Variants in CBX3 observed in about 807,000 individuals in gnomAD.
The protein encoded by CBX3 is chromobox protein homolog 3.
Under a neutral mutation model 22.6 loss-of-function variants are expected in CBX3, and 5 were observed. The ratio of observed to expected loss-of-function variants is 0.22; its 90% CI spans 0.12 to 0.47. The LOEUF (loss-of-function observed/expected upper bound fraction) is 0.47. Among genes scored for constraint, CBX3 ranks in the 20% least tolerant of loss-of-function variants. CBX3 has a pLI of 0.99. For synonymous variants in CBX3, 50 were observed against 66.6 expected (o/e 0.75, Z 1.21); for missense variants, 83 against 208.1 (o/e 0.40, Z 3.70).
chr7:26,203,611 T>C (rs1172655513), intron 2 of CBX3, among the ~76,000 whole-genome samples: 2 of 152,226 alleles, frequency 1.3e-5, no homozygotes, highest in South Asian at 2.1e-4. Flanking sequence ...GGCTAGATTT[T>C]TTTTTTATCT....
intron 4 of CBX3, among the ~76,000 whole-genome samples, chr7:26,208,990 G>GTGTAGTGGTGC (rs1453290949): frequency 1.5e-5 from 2 of 130,850 alleles, no homozygotes; most frequent in African/African-American, 5.8e-5. Context: ...CCAGGCTGGA[G>GTGTAGTGGTGC]TGTAGTGGTG....
intron 4 of CBX3, 43 bp downstream of exon 4, chr7:26,208,598 G>C (rs1784734745): frequency 6.6e-7 from 1 of 1,523,784 alleles, no homozygotes; most frequent in South Asian, 1.2e-5. Flanking sequence ...TTTTGTAAAA[G>C]GTTGATGGCT....
intron 2 of CBX3, 85 bp downstream of exon 2, chr7:26,203,107 G>A (rs909762298): frequency 1.1e-6 from 1 of 937,446 alleles, no homozygotes; most frequent in Non-Finnish European, 1.7e-6. Flanking sequence ...CTGTGGCTGA[G>A]AAATTTACAT....
At chr7:26,207,372 A>G (rs749494516) in intron 3 of CBX3, among the ~76,000 whole-genome samples, 1 of 152,170 alleles carries the variant, frequency 6.6e-6, no homozygotes, top group East Asian at 1.9e-4. Context: ...TCCCTTCTTT[A>G]TTAAGCCCAT....
At chr7:26,211,946 A>G (rs1383156604) in intron 5 of CBX3, 136 bp from the exon 6 acceptor site, 2 of 897,700 alleles carry the variant, frequency 2.2e-6, no homozygotes, top group Non-Finnish European at 3.2e-6. Context: ...GTTTATTAGA[A>G]CATAGCAACA....
chr7:26,203,930 T>A (rs947746456), intron 2 of CBX3, among the ~76,000 whole-genome samples: 1 of 152,236 alleles, frequency 6.6e-6, no homozygotes, highest in Admixed American at 6.5e-5. Context: ...AAACAGAAGT[T>A]GTTTTTGCAC....
chr7:26,206,895 CAT>C (rs1354204505), intron 3 of CBX3, among the ~76,000 whole-genome samples: 2 of 152,172 alleles, frequency 1.3e-5, no homozygotes, highest in East Asian at 3.8e-4. Context: ...TACAGGATTA[CAT>C]ATAATCTAGG....
rs537328604 is a variant in CBX3 at position 26,202,946 on chromosome 7, C to T, written c.-28-25C>T. The T allele has an allele frequency of 2.7e-6, 4 of 1,489,188 alleles. No homozygotes were observed. In the South Asian group the frequency reaches 3.4e-5, roughly 13 times the overall value. The allele number at this position is 1,489,188 out of a possible 1,614,324, so 92.2% of individuals were successfully genotyped here. A position where few individuals can be genotyped will look rare whatever the true frequency, so the allele number is the denominator to read the frequency against. Reference sequence around the variant, plus strand: ...ACCTTTTTTGTGTCATGCAAACTTACCTTAACTGTCATGCATTTTTCTAGT... The same window carrying T: ...ACCTTTTTTGTGTCATGCAAACTTATCTTAACTGTCATGCATTTTTCTAGT... On this transcript the variant is annotated intron_variant, in intron 1 of 5. Coordinates refer to ENST00000396386, the MANE Select transcript of CBX3 (RefSeq NM_016587.4).
chr7:26,211,875 AC>A (rs1291389079), intron 5 of CBX3, 119 bp downstream of exon 5: 1 of 876,552 alleles, frequency 1.1e-6, no homozygotes, highest in Non-Finnish European at 1.7e-6. Context: ...GATTCTGGTT[AC>A]TTTTACTAGT....
At chr7:26,204,631 C>T (rs1234072070) in intron 2 of CBX3, among the ~76,000 whole-genome samples, 6 of 152,326 alleles carry the variant, frequency 3.9e-5, no homozygotes, top group Non-Finnish European at 8.8e-5. Flanking sequence ...GCCTTTCTTA[C>T]ATATCTGTCT....
chr7:26,209,176 G>A (rs1784750186), intron 4 of CBX3, among the ~76,000 whole-genome samples: 1 of 152,004 alleles, frequency 6.6e-6, no homozygotes, highest in Non-Finnish European at 1.5e-5. Flanking sequence ...CAGAGTGCTG[G>A]GATTACAGGC....
intron 4 of CBX3, chr7:26,210,047 TG>T (rs1784769718): frequency 6.6e-6 from 1 of 152,132 alleles, no homozygotes; most frequent in Admixed American, 6.5e-5. Context: ...CCCAGCACCT[TG>T]GGAAACCAAA....
chr7:26,206,768 T>C (rs1354797970), intron 3 of CBX3, among the ~76,000 whole-genome samples: 1 of 152,226 alleles, frequency 6.6e-6, no homozygotes, highest in Non-Finnish European at 1.5e-5. Context: ...TAGTTTACTA[T>C]GTAATATATT....
chr7:26,208,528 C>T lies in CBX3; in HGVS notation c.303C>T (p.Asp101=), dbSNP rs372035189. ...CTTTATCTGACAGTGAATCTGATGA[C>T]AGCAAATCAAAGAAGAAAAGAGATG... The part of the protein sequence containing the change: ...RKSLSDSESD[D]SKSKKKRDAA... Residue 101 remains aspartate, a synonymous_variant, in exon 4 of 6, where the codon GAC becomes GAT. Transcript: ENST00000396386. 3.8e-5 allele frequency: 61 copies of T among 1,611,930 alleles called. No individual in the cohort carries two copies. The highest frequency in any genetic ancestry group is 1.6e-4 in the Middle Eastern group (1 of 6,080).
chr7:26,202,693 G>C (rs912124494), intron 1 of CBX3: 5 of 394,994 alleles, frequency 1.3e-5, no homozygotes, highest in Non-Finnish European at 1.8e-5. Flanking sequence ...TTATAAATGG[G>C]ACTTAGATTG....
intron 1 of CBX3, chr7:26,202,693 G>A: frequency 2.5e-6 from 1 of 395,112 alleles, no homozygotes; most frequent in Non-Finnish European, 4.5e-6. Context: ...TTATAAATGG[G>A]ACTTAGATTG....
rs774977820 is a variant in CBX3 at position 26,203,012 on chromosome 7, A to G, written c.14A>G (p.Lys5Arg). ...CTGCAATAAAAAATGGCCTCCAACA[A>G]AACTACATTGGTAAGTTAATGAAAA... MASN[K>R]TTLQKMGKKQ... Residue 5 changes from lysine (K) to arginine (R), a missense_variant, in exon 2 of 6, where the codon AAA (lysine) becomes AGA (arginine). Coordinates refer to ENST00000396386, the MANE Select transcript of CBX3 (RefSeq NM_016587.4). 1.9e-6 allele frequency: 3 copies of G among 1,608,946 alleles called. No homozygotes were observed. In the African/African-American group the frequency reaches 4.0e-5, roughly 22 times the overall value.
At chr7:26,203,623 A>G (rs1423459195) in intron 2 of CBX3, among the ~76,000 whole-genome samples, 1 of 152,072 alleles carries the variant, frequency 6.6e-6, no homozygotes, top group Non-Finnish European at 1.5e-5. Context: ...TTTTTATCTT[A>G]TTCAGCCATG....
At chr7:26,209,949 C>T (rs1395318594) in intron 4 of CBX3, 6 of 152,134 alleles carry the variant, frequency 3.9e-5, no homozygotes, top group African/African-American at 1.4e-4. Context: ...GATGAGGAAA[C>T]GAGATTGACT....
Sources: gnomAD v4.1 joint callset for allele counts (sites outside exome capture counted in the v4.1 genomes callset) on GRCh38, gnomAD v4.1.1 for gene constraint, MANE v1.5 for transcripts, NCBI Gene and HGNC (gene_info 2026-07-23, HGNC 2026-07-21) for gene names.